ADCY8: variants seen among roughly 807,000 people sequenced by gnomAD.
The protein encoded by ADCY8 is adenylate cyclase 8.
ADCY8 carries 51 observed loss-of-function variants against 119.7 expected under a neutral mutation model. The observed-to-expected ratio is 0.43, with a 90% CI of 0.34 to 0.54. The LOEUF (loss-of-function observed/expected upper bound fraction) is 0.54, where lower values mean the gene tolerates loss of function less well. Ranked by LOEUF, ADCY8 falls within the 20% of genes least tolerant of loss-of-function variation. The probability of loss-of-function intolerance (pLI) is 0.03; values close to 1 mark genes in which losing one functional copy is unlikely to be tolerated. For synonymous variants in ADCY8, 665 were observed against 651.0 expected, an observed-to-expected ratio of 1.02 and a Z score of -0.33; for missense variants, 1,383 against 1,598.8, an observed-to-expected ratio of 0.87 and a Z score of 2.30.
intron 12 of ADCY8, among the ~76,000 whole-genome samples, chr8:130,824,167 T>C (rs990871727): frequency 7.9e-5 from 12 of 152,208 alleles, no homozygotes; most frequent in African/African-American, 2.7e-4. Context: ...TTTTAGTTTA[T>C]TATTAGTTCC....
intron 1 of ADCY8, among the ~76,000 whole-genome samples, chr8:131,029,618 C>T (rs752987456): frequency 6.6e-6 from 1 of 152,068 alleles, no homozygotes; most frequent in Non-Finnish European, 1.5e-5. Context: ...ATAATTCAGG[C>T]CCATAACTTT....
At chr8:130,977,146 G>T (rs199797088) in intron 2 of ADCY8, among the ~76,000 whole-genome samples, 1 of 152,166 alleles carries the variant, frequency 6.6e-6, no homozygotes, top group South Asian at 2.1e-4. Flanking sequence ...GAAACTGCCC[G>T]GGTCGGGTGT....
intron 2 of ADCY8, among the ~76,000 whole-genome samples, chr8:130,986,962 G>A (rs1208468296): frequency 3.3e-5 from 5 of 152,034 alleles, no homozygotes; most frequent in East Asian, 1.9e-4. Flanking sequence ...TCTTGTCATC[G>A]GTATCTTTGC....
intron 7 of ADCY8, among the ~76,000 whole-genome samples, chr8:130,897,003 C>A (rs970878154): frequency 6.6e-6 from 1 of 152,132 alleles, no homozygotes; most frequent in African/African-American, 2.4e-5. Flanking sequence ...AATGAGGACA[C>A]CGAGCCTTGG....
In ADCY8 at chr8:130,783,911, C is replaced by T. The variant is rs941681683; in HGVS notation, c.3154-106G>A. The T allele has an allele frequency of 1.5e-5, 11 of 751,618 alleles. No individual in the cohort carries two copies. The Middle Eastern group carries it at 1.2e-3, about 81-fold the overall frequency. The allele number at this position is 751,618 out of a possible 1,614,324, so 46.6% of individuals were successfully genotyped here. On this transcript the variant is annotated intron_variant, in intron 16 of 17. Transcript: ENST00000286355. ...TCCTAACCCAACCCTACCTGCACAT[C>T]CCTTTAAGGAAATAATCATGTGGGT...
chr8:130,944,028 G>A (rs892156890), intron 3 of ADCY8, among the ~76,000 whole-genome samples: 29 of 152,276 alleles, frequency 1.9e-4, no homozygotes, highest in African/African-American at 7.0e-4. Flanking sequence ...CATTACTAAA[G>A]ATTTCAGTTA....
At chr8:130,865,264 T>C (rs563201207) in intron 9 of ADCY8, among the ~76,000 whole-genome samples, 10 of 152,302 alleles carry the variant, frequency 6.6e-5, no homozygotes, top group Admixed American at 2.0e-4. Flanking sequence ...TTTCACTTTC[T>C]ATATTTCTTA....
At chr8:130,833,249 A>G (rs943706917) in intron 12 of ADCY8, among the ~76,000 whole-genome samples, 9 of 152,182 alleles carry the variant, frequency 5.9e-5, no homozygotes, top group African/African-American at 2.2e-4. Context: ...AAGTTTGAAT[A>G]CGGATCTGTT....
At chr8:130,988,894 C>G (rs1822487882) in intron 2 of ADCY8, among the ~76,000 whole-genome samples, 1 of 152,158 alleles carries the variant, frequency 6.6e-6, no homozygotes, top group Non-Finnish European at 1.5e-5. Context: ...TCCCATACAA[C>G]TCACCCACAA....
chr8:130,991,321 A>T (rs980439989), intron 1 of ADCY8, among the ~76,000 whole-genome samples: 1 of 152,244 alleles, frequency 6.6e-6, no homozygotes, highest in Non-Finnish European at 1.5e-5. Context: ...TAACTCCAGT[A>T]GAAAATGCAG....
At chr8:130,871,221 G>A (rs1295151089) in intron 8 of ADCY8, among the ~76,000 whole-genome samples, 1 of 152,154 alleles carries the variant, frequency 6.6e-6, no homozygotes, top group East Asian at 1.9e-4. Context: ...CTGGCTCATA[G>A]CTTTATTAAG....
intron 7 of ADCY8, 107 bp from the exon 8 acceptor site, chr8:130,884,868 C>T (rs1374250775): frequency 1.4e-5 from 16 of 1,111,058 alleles, no homozygotes; most frequent in Middle Eastern, 4.2e-4. Context: ...TAATAGCATT[C>T]CATGCAGTTG....
intron 5 of ADCY8, among the ~76,000 whole-genome samples, chr8:130,919,031 C>G (rs1820216836): frequency 6.6e-6 from 1 of 152,196 alleles, no homozygotes; most frequent in South Asian, 2.1e-4. Context: ...CCACTGCATT[C>G]CAGCCTGGGC....
chr8:130,780,744 C>T lies in ADCY8; in HGVS notation c.3402G>A (p.Glu1134=), dbSNP rs746051591. The change falls in exon 18 of 18, where the codon GAG becomes GAA. Residue 1134 remains glutamate, a synonymous_variant. Coordinates refer to ENST00000286355, the MANE Select transcript of ADCY8 (RefSeq NM_001115.3). ...GGTCCTTCAGGATGAGATAGGTCTC[C>T]TCTGGGACTTGGATCCGGCCACTAA... is the stretch of plus-strand genomic sequence containing the variant. ...TGVSGRIQVP[E]ETYLILKDQG... The T allele has an allele frequency of 1.0e-4, 162 of 1,614,062 alleles. No individual in the cohort carries two copies. The highest frequency in any genetic ancestry group is 1.3e-4 in the Non-Finnish European group (157 of 1,180,028).
chr8:130,826,193 G>A (rs1426607802), intron 12 of ADCY8, among the ~76,000 whole-genome samples: 2 of 152,140 alleles, frequency 1.3e-5, no homozygotes, highest in Non-Finnish European at 1.5e-5. Flanking sequence ...TCCTATGTTT[G>A]AAAAGAGGAA....
chr8:130,814,041 T>A (rs780532983), intron 14 of ADCY8, 28 bp downstream of exon 14: 2 of 1,613,112 alleles, frequency 1.2e-6, no homozygotes, highest in South Asian at 2.2e-5. Flanking sequence ...CCACCCTTTC[T>A]CACTGGCTAG....
At chr8:130,885,184 T>C (rs1194629904) in intron 7 of ADCY8, among the ~76,000 whole-genome samples, 1 of 151,600 alleles carries the variant, frequency 6.6e-6, no homozygotes, top group Non-Finnish European at 1.5e-5. Context: ...TGACCTTTCA[T>C]TTAATGGTGG....
At chr8:131,000,950 AG>A (rs1368106587) in intron 1 of ADCY8, among the ~76,000 whole-genome samples, 2 of 152,232 alleles carry the variant, frequency 1.3e-5, no homozygotes, top group Middle Eastern at 3.4e-3. Flanking sequence ...AGGCAGGGAA[AG>A]GGTCTTCAAA....
chr8:131,006,100 T>C (rs1382801359), intron 1 of ADCY8, among the ~76,000 whole-genome samples: 3 of 152,004 alleles, frequency 2.0e-5, no homozygotes, highest in Admixed American at 2.0e-4. Context: ...TGCTTCACAA[T>C]GCACAAGAAG....
Sources: allele counts gnomAD v4.1 joint callset (sites outside exome capture counted in the v4.1 genomes callset), GRCh38; gene constraint gnomAD v4.1.1; transcripts MANE v1.5; gene names NCBI Gene and HGNC (gene_info 2026-07-23, HGNC 2026-07-21).